ARID1B: variants seen among roughly 807,000 people sequenced by gnomAD.
ARID1B encodes AT-rich interactive domain-containing protein 1B.
Under a neutral mutation model 212.3 loss-of-function variants are expected in ARID1B, and 30 were observed. The ratio of observed to expected loss-of-function variants is 0.14; its 90% CI spans 0.11 to 0.19. ARID1B has a LOEUF of 0.19. ARID1B is among the 10% of genes least tolerant of loss of function. The pLI is 1.00. For synonymous variants in ARID1B, 1,402 were observed against 1,301.7 expected (o/e 1.08, Z -1.66); for missense variants, 2,891 against 3,204.0 (o/e 0.90, Z 2.36).
chr6:156,896,778 C>A (rs1185109213), intron 2 of ARID1B, among the ~76,000 whole-genome samples: 1 of 152,024 alleles, frequency 6.6e-6, no homozygotes, highest in African/African-American at 2.4e-5. Flanking sequence ...ACTCGGGAGG[C>A]TGAAGCAGGA....
At chr6:157,089,955 G>C (rs1047014375) in intron 5 of ARID1B, among the ~76,000 whole-genome samples, 2 of 151,006 alleles carry the variant, frequency 1.3e-5, no homozygotes, top group Non-Finnish European at 3.0e-5. Context: ...CTGGGTTTTG[G>C]ATGTGTATTG....
At chr6:156,937,503 C>T (rs1792341800) in intron 4 of ARID1B, 1 of 152,224 alleles carries the variant, frequency 6.6e-6, no homozygotes, top group South Asian at 2.1e-4. Flanking sequence ...AAACTGCTTT[C>T]TTCATATCTA....
chr6:157,001,812 G>A (rs1778929948), intron 4 of ARID1B, among the ~76,000 whole-genome samples: 1 of 152,212 alleles, frequency 6.6e-6, no homozygotes, highest in Admixed American at 6.5e-5. Context: ...CCTATGGCAG[G>A]TGGCAAAGGG....
At chr6:156,995,687 A>T (rs1778543347) in intron 4 of ARID1B, among the ~76,000 whole-genome samples, 1 of 152,232 alleles carries the variant, frequency 6.6e-6, no homozygotes, top group Admixed American at 6.5e-5. Context: ...ATATTCAATT[A>T]TCGTCAGTGC....
At chr6:156,883,901 A>T (rs1787302367) in intron 2 of ARID1B, among the ~76,000 whole-genome samples, 1 of 152,182 alleles carries the variant, frequency 6.6e-6, no homozygotes, top group Non-Finnish European at 1.5e-5. Context: ...ATTTTGTATC[A>T]ACAACAGCTG....
intron 4 of ARID1B, among the ~76,000 whole-genome samples, chr6:156,954,446 T>A (rs1395789687): frequency 2.0e-5 from 3 of 151,920 alleles, no homozygotes; most frequent in Non-Finnish European, 4.4e-5. Flanking sequence ...TACATATGAT[T>A]TTTTTTTATC....
chr6:157,022,883 A>G (rs930345924), intron 4 of ARID1B: 1 of 152,220 alleles, frequency 6.6e-6, no homozygotes, highest in Non-Finnish European at 1.5e-5. Context: ...TGATGTAGAG[A>G]CAGAATCCAA....
intron 4 of ARID1B, among the ~76,000 whole-genome samples, chr6:156,979,202 A>G (rs980599715): frequency 2.0e-5 from 3 of 152,226 alleles, no homozygotes; most frequent in Non-Finnish European, 2.9e-5. Context: ...AAGGATCTCA[A>G]CCTTGCAAAG....
At chr6:156,818,154 A>G (rs373135474) in intron 1 of ARID1B, among the ~76,000 whole-genome samples, 49 of 86,860 alleles carry the variant, frequency 5.6e-4, no homozygotes, top group African/African-American at 2.0e-3. Context: ...TATATTAGTC[A>G]TGTTAACTTG....
chr6:156,865,560 C>T (rs1018693349), intron 2 of ARID1B, among the ~76,000 whole-genome samples: 2 of 152,134 alleles, frequency 1.3e-5, no homozygotes, highest in South Asian at 2.1e-4. Context: ...CATTTCCCCA[C>T]GTACTCTGGC....
At chr6:156,834,965 T>C (rs1783399757) in intron 2 of ARID1B, among the ~76,000 whole-genome samples, 1 of 152,156 alleles carries the variant, frequency 6.6e-6, no homozygotes, top group Non-Finnish European at 1.5e-5. Flanking sequence ...CCGGGCGCGG[T>C]GGCTCACGCC....
intron 4 of ARID1B, among the ~76,000 whole-genome samples, chr6:156,986,271 A>C (rs979686073): frequency 6.6e-6 from 1 of 152,194 alleles, no homozygotes; most frequent in Non-Finnish European, 1.5e-5. Context: ...ATGGGAAGGT[A>C]TTGGATTTTT....
intron 4 of ARID1B, among the ~76,000 whole-genome samples, chr6:157,012,615 A>G (rs1779682545): frequency 6.6e-6 from 1 of 152,238 alleles, no homozygotes; most frequent in African/African-American, 2.4e-5. Context: ...ACAAAGAGTA[A>G]CACCCAGGGG....
chr6:157,207,630 A>C lies in ARID1B; in HGVS notation c.6858A>C (p.Leu2286=). 6.2e-7 allele frequency: 1 copy of C among 1,614,162 alleles called. No homozygotes were observed. Among genetic ancestry groups the C allele is most frequent in the Non-Finnish European group, 8.5e-7 (1 of 1,180,014 alleles). The change falls in exon 20 of 20, where the codon CTA becomes CTC. Residue 2286 remains leucine (L), a synonymous_variant. Transcript: ENST00000636930. This position sits in a 1 kb window ranked among gnomAD's most constrained non-coding sequence, Gnocchi z 8.5. ...KGSIGNLISF[L]EDGVTMAQYQ... The stretch of plus-strand genomic sequence containing the variant: ...GCATTGGAAACTTGATAAGCTTCCT[A>C]GAGGATGGGGTCACGATGGCCCAGT...
rs532857305 is a variant in ARID1B, at chr6:156,827,754, C to CTTTTTTTT, written c.1792-1451_1792-1444dup. On this transcript the variant is annotated intron_variant, in intron 1 of 19. Coordinates refer to ENST00000636930, the MANE Select transcript of ARID1B (RefSeq NM_001374828.1). ...GTTATTCCCCTTTATCCTGGTAATT[C>CTTTTTTTT]TTTTTTTTTTTTTTTTTTTTTTTTT... Among the ~76,000 whole-genome samples, 7 of 68,454 alleles carry CTTTTTTTT rather than the reference C, an allele frequency of 1.0e-4. 1 individual carries two copies. The highest frequency in any genetic ancestry group is 1.7e-4 in the Non-Finnish European group (6 of 34,880). 44.9% of individuals were successfully genotyped at this position (68,454 alleles called of 152,430 possible).
chr6:156,932,804 G>A (rs1033454891), intron 3 of ARID1B, among the ~76,000 whole-genome samples: 1 of 152,148 alleles, frequency 6.6e-6, no homozygotes, highest in South Asian at 2.1e-4. Context: ...CCTTTTCTAT[G>A]TGCTCCCTTA....
intron 2 of ARID1B, among the ~76,000 whole-genome samples, chr6:156,876,207 CTG>C (rs1463550070): frequency 1.3e-5 from 2 of 152,198 alleles, no homozygotes; most frequent in African/African-American, 4.8e-5. Flanking sequence ...ACTGATGTGA[CTG>C]TGTGAATAAA....
At chr6:156,782,911 G>T (rs1258172413) in intron 1 of ARID1B, among the ~76,000 whole-genome samples, 1 of 151,682 alleles carries the variant, frequency 6.6e-6, no homozygotes, top group Non-Finnish European at 1.5e-5. Context: ...AATTATGCAT[G>T]GCTTAAAATC....
At chr6:157,179,524 TATCTA>T (rs1366392872) in intron 11 of ARID1B, among the ~76,000 whole-genome samples, 3 of 152,234 alleles carry the variant, frequency 2.0e-5, no homozygotes, top group Non-Finnish European at 4.4e-5. Flanking sequence ...TTTAAGCTCT[TATCTA>T]AAGTGGTTTT....
Sources: gnomAD v4.1 joint callset for allele counts (sites outside exome capture counted in the v4.1 genomes callset) on GRCh38, gnomAD v4.1.1 for gene constraint, Gnocchi (gnomAD v3.1) non-coding constraint, MANE v1.5 for transcripts, NCBI Gene and HGNC (gene_info 2026-07-23, HGNC 2026-07-21) for gene names.